ENPEP: variants seen among roughly 807,000 people sequenced by gnomAD.
ENPEP encodes the protein AP-A.
Under a neutral mutation model 114.5 loss-of-function variants are expected in ENPEP, and 103 were observed. That is an observed-to-expected ratio of 0.90 (90% CI 0.77 to 1.06). The LOEUF (loss-of-function observed/expected upper bound fraction) is 1.06. Ranked by LOEUF, ENPEP falls within the 50% of genes least tolerant of loss-of-function variation. The pLI is 0.00. For synonymous variants in ENPEP, 420 were observed against 422.0 expected, an observed-to-expected ratio of 1.00 and a Z score of 0.06; for missense variants, 1,196 against 1,161.3, an observed-to-expected ratio of 1.03 and a Z score of -0.43.
Position 110,515,235 on chromosome 4 carries a change from G to A in ENPEP, c.1444-142G>A, listed in dbSNP as rs937806299. The A allele has an allele frequency of 1.1e-5, 7 of 662,694 alleles. No homozygotes were observed. In the Admixed American group the frequency reaches 1.6e-4, roughly 15 times the overall value. 41.1% of individuals were successfully genotyped at this position (662,694 alleles called of 1,614,324 possible). A position where few individuals can be genotyped will look rare whatever the true frequency, so the allele number is the denominator to read the frequency against. ...GTGGTATTTTCATCCTAAAATCATA[G>A]AGCCATATAATTTAGCAGAATCATC... On this transcript the variant is annotated intron_variant, in intron 7 of 19. Coordinates refer to ENST00000265162, the MANE Select transcript of ENPEP (RefSeq NM_001977.4).
At chr4:110,488,486 G>A in intron 1 of ENPEP, 55 bp from the exon 2 acceptor site, 1 of 1,525,634 alleles carries the variant, frequency 6.6e-7, no homozygotes, top group South Asian at 1.3e-5. Context: ...TAGAGACATA[G>A]GGGTTGTCAG....
At chr4:110,477,863 A>G (rs1724172687) in intron 1 of ENPEP, among the ~76,000 whole-genome samples, 1 of 152,076 alleles carries the variant, frequency 6.6e-6, no homozygotes, top group Non-Finnish European at 1.5e-5. Context: ...TTTCCCACCT[A>G]TTTGTCTAGC....
At chr4:110,500,634 T>C (rs1725120393) in intron 3 of ENPEP, among the ~76,000 whole-genome samples, 1 of 152,170 alleles carries the variant, frequency 6.6e-6, no homozygotes, top group African/African-American at 2.4e-5. Context: ...TAAAAAGTCA[T>C]ATATGACTCT....
rs200528408 is a variant in ENPEP, at chr4:110,476,575, C to T, written c.161C>T (p.Ala54Val). The T allele has an allele frequency of 3.7e-6, 6 of 1,613,848 alleles. No individual in the cohort carries two copies. Among genetic ancestry groups the T allele is most frequent in the South Asian group, 1.1e-5 (1 of 91,044 alleles). Residue 54 changes from alanine to valine, a missense_variant, in exon 1 of 20, where the codon GCG becomes GTG. Physicochemically the swap from Ala to Val is moderately conservative, Grantham distance 64. Coordinates refer to ENST00000265162, the MANE Select transcript of ENPEP (RefSeq NM_001977.4). Reference sequence around the variant, plus strand: ...AGCGGGGACGGCGGGCCGGGCACTGCGCCAGCTCCTTCCCACCTGCCTTCT... The same window carrying T: ...AGCGGGGACGGCGGGCCGGGCACTGTGCCAGCTCCTTCCCACCTGCCTTCT... Reference protein sequence around the residue: ...DSSGDGGPGTAPAPSHLPSST... With the variant: ...DSSGDGGPGTVPAPSHLPSST...
intron 3 of ENPEP, among the ~76,000 whole-genome samples, chr4:110,495,602 T>A (rs768367243): frequency 2.0e-5 from 3 of 152,030 alleles, no homozygotes; most frequent in Non-Finnish European, 4.4e-5. Flanking sequence ...GTGCCTGTAA[T>A]CCCAGCTACT....
Position 110,543,063 on chromosome 4 carries a change from T to A in ENPEP, c.1993T>A (p.Leu665Met). 6.2e-7 allele frequency: 1 copy of A among 1,613,022 alleles called. No homozygotes were observed. Among genetic ancestry groups the A allele is most frequent in the Middle Eastern group, 1.7e-4 (1 of 6,056 alleles). Residue 665 changes from leucine (L) to methionine (M), a missense_variant, in exon 13 of 20, where the codon TTG becomes ATG. Physicochemically the swap from Leu to Met is conservative, Grantham distance 15 (BLOSUM62 2). Transcript: ENST00000265162. ...AAGTCTTATTGATGATGCTTTTGCC[T>A]TGGCAAGGTGCGTTTTAGAATGAGA... ...RASLIDDAFA[L>M]ARAQLLDYKV...
chr4:110,541,422 G>A (rs917395901), intron 11 of ENPEP, among the ~76,000 whole-genome samples: 3 of 152,048 alleles, frequency 2.0e-5, no homozygotes, highest in African/African-American at 7.2e-5. Flanking sequence ...GTCAGAAAAA[G>A]GATTTTATTG....
intron 19 of ENPEP, among the ~76,000 whole-genome samples, chr4:110,560,512 C>A (rs1043696378): frequency 6.6e-6 from 1 of 152,038 alleles, no homozygotes; most frequent in African/African-American, 2.4e-5. Flanking sequence ...AAAATGTACA[C>A]CTATTTTTTT....
At chr4:110,522,563 T>A (rs1726041410) in intron 10 of ENPEP, among the ~76,000 whole-genome samples, 1 of 152,106 alleles carries the variant, frequency 6.6e-6, no homozygotes, top group Admixed American at 6.6e-5. Context: ...AGGATTCTGA[T>A]TAACAGACCC....
At chr4:110,479,971 GTTAT>G (rs2110330194) in intron 1 of ENPEP, among the ~76,000 whole-genome samples, 1 of 152,302 alleles carries the variant, frequency 6.6e-6, no homozygotes, top group Admixed American at 6.5e-5. Flanking sequence ...CACTCTTTGA[GTTAT>G]TTTAGTGTAC....
At chr4:110,496,189 G>A (rs1262726969) in intron 3 of ENPEP, among the ~76,000 whole-genome samples, 1 of 152,106 alleles carries the variant, frequency 6.6e-6, no homozygotes, top group Non-Finnish European at 1.5e-5. Context: ...AAGATAGGCT[G>A]AAGGCAGAGT....
chr4:110,513,588 T>C (rs1018538535), intron 7 of ENPEP, 39 bp downstream of exon 7: 2 of 1,605,638 alleles, frequency 1.2e-6, no homozygotes, highest in Non-Finnish European at 1.7e-6. Context: ...ATCTTCCTGT[T>C]TAGTGACTTT....
At chr4:110,499,258 T>C (rs1291851680) in intron 3 of ENPEP, among the ~76,000 whole-genome samples, 2 of 152,204 alleles carry the variant, frequency 1.3e-5, no homozygotes, top group East Asian at 3.8e-4. Context: ...CTATTACATG[T>C]CAAACATTGC....
intron 18 of ENPEP, among the ~76,000 whole-genome samples, chr4:110,555,816 A>G (rs1727447064): frequency 6.6e-6 from 1 of 152,066 alleles, no homozygotes; most frequent in Non-Finnish European, 1.5e-5. Context: ...CCAAGAAGAC[A>G]ATATTTGTAA....
At chr4:110,482,418 T>A (rs1724344123) in intron 1 of ENPEP, among the ~76,000 whole-genome samples, 1 of 152,132 alleles carries the variant, frequency 6.6e-6, no homozygotes, top group South Asian at 2.1e-4. Flanking sequence ...CAGTGTCAGA[T>A]GTGTTGATGG....
At chr4:110,534,672 TA>T (rs1315115049) in intron 11 of ENPEP, among the ~76,000 whole-genome samples, 1 of 151,548 alleles carries the variant, frequency 6.6e-6, no homozygotes, top group African/African-American at 2.4e-5. Flanking sequence ...CTCAGCTGGA[TA>T]TTTTTTTGTA....
chr4:110,539,533 A>G (rs1210725736), intron 11 of ENPEP, among the ~76,000 whole-genome samples: 1 of 151,986 alleles, frequency 6.6e-6, no homozygotes, highest in African/African-American at 2.4e-5. Flanking sequence ...AAAAAGCATT[A>G]CTCGTGTCTT....
At position 110,497,659 on chromosome 4, in the gene ENPEP, T is replaced by C. The variant is rs1237697754; in HGVS notation, c.918+6495T>C. Among the ~76,000 whole-genome samples, 8 of 152,022 alleles carry C rather than the reference T, an allele frequency of 5.3e-5. 1 individual carries two copies. Among genetic ancestry groups the C allele is most frequent in the Admixed American group, 5.2e-4 (8 of 15,252 alleles). ...TAAACAGCAATTCATAGCAGGTGAGTTCCGACTCAGAGTCCGAACATGTTT... is the reference window on the plus strand; with the variant it reads ...TAAACAGCAATTCATAGCAGGTGAGCTCCGACTCAGAGTCCGAACATGTTT... On this transcript the variant is annotated intron_variant, in intron 3 of 19. Coordinates refer to ENST00000265162, the MANE Select transcript of ENPEP (RefSeq NM_001977.4).
At chr4:110,484,222 C>T (rs376385960) in intron 1 of ENPEP, among the ~76,000 whole-genome samples, 3 of 152,040 alleles carry the variant, frequency 2.0e-5, no homozygotes, top group East Asian at 1.9e-4. Context: ...ATGTAATCTA[C>T]GCCTTCTCAC....
Sources: gnomAD v4.1 joint callset for allele counts (sites outside exome capture counted in the v4.1 genomes callset) on GRCh38, gnomAD v4.1.1 for gene constraint, MANE v1.5 for transcripts, NCBI Gene and HGNC (gene_info 2026-07-23, HGNC 2026-07-21) for gene names.